The following HDAC9 variants were observed in gnomAD, a reference collection of about 807,000 sequenced individuals.
The protein encoded by HDAC9 is MEF-2 interacting transcription repressor (MITR) protein.
HDAC9 carries 41 observed loss-of-function variants against 139.4 expected under a neutral mutation model. That is an observed-to-expected ratio of 0.29 (90% CI 0.23 to 0.38). The LOEUF (loss-of-function observed/expected upper bound fraction) is 0.38. HDAC9 is among the 10% of genes least tolerant of loss of function. The pLI, the probability that HDAC9 is intolerant of heterozygous loss-of-function variation, is 1.00. For missense variants in HDAC9, 1,147 were observed against 1,297.0 expected (o/e 0.88, Z 1.78); for synonymous variants, 517 against 476.2 (o/e 1.09, Z -1.12).
intron 22 of HDAC9, among the ~76,000 whole-genome samples, chr7:18,933,995 A>C (rs190730452): frequency 1.6e-4 from 24 of 152,254 alleles, no homozygotes; most frequent in African/African-American, 5.5e-4. Flanking sequence ...GATGGAAAAT[A>C]TGAAAGAGAA....
chr7:18,087,929 G>C (rs1781898440), intron 1 of HDAC9: 1 of 152,246 alleles, frequency 6.6e-6, no homozygotes, highest in South Asian at 2.1e-4. Flanking sequence ...ATGTGACAGA[G>C]CGGGACTGAG....
intron 2 of HDAC9, among the ~76,000 whole-genome samples, chr7:18,257,835 G>T (rs1031371419): frequency 1.3e-5 from 2 of 152,174 alleles, no homozygotes; most frequent in African/African-American, 4.8e-5. Flanking sequence ...TAATGCCTAA[G>T]CATCATCCAG....
At chr7:18,305,033 A>G (rs573890581) in intron 1 of HDAC9, among the ~76,000 whole-genome samples, 8 of 152,208 alleles carry the variant, frequency 5.3e-5, no homozygotes, top group African/African-American at 1.7e-4. Flanking sequence ...TTTATAGGAT[A>G]AGAAATCAGT....
chr7:18,787,284 C>T (rs1008711685), intron 16 of HDAC9, among the ~76,000 whole-genome samples: 8 of 152,092 alleles, frequency 5.3e-5, no homozygotes, highest in Middle Eastern at 3.2e-3. Flanking sequence ...TCAATCTCAC[C>T]GAGTGTGTTT....
At chr7:18,711,968 C>G in intron 12 of HDAC9, among the ~76,000 whole-genome samples, 1 of 150,328 alleles carries the variant, frequency 6.7e-6, no homozygotes, top group Non-Finnish European at 1.5e-5. Context: ...AACAGTCAAC[C>G]AAACAAAGAT....
At chr7:18,886,027 A>C (rs1409009473) in intron 22 of HDAC9, among the ~76,000 whole-genome samples, 1 of 152,210 alleles carries the variant, frequency 6.6e-6, no homozygotes, top group African/African-American at 2.4e-5. Flanking sequence ...TATATTTAAC[A>C]GCTAACAAAA....
At chr7:18,849,096 T>C (rs1346648479) in intron 21 of HDAC9, among the ~76,000 whole-genome samples, 1 of 152,170 alleles carries the variant, frequency 6.6e-6, no homozygotes, top group Non-Finnish European at 1.5e-5. Flanking sequence ...TTTTAAACAG[T>C]CCATCGCTAA....
At chr7:18,619,291 C>T (rs1839562144) in intron 6 of HDAC9, among the ~76,000 whole-genome samples, 1 of 152,102 alleles carries the variant, frequency 6.6e-6, no homozygotes, top group Non-Finnish European at 1.5e-5. Flanking sequence ...TGAGGTTCAT[C>T]TAGTTCTCTT....
chr7:18,599,455 A>G (rs748554369), intron 6 of HDAC9, among the ~76,000 whole-genome samples: 116 of 152,226 alleles, frequency 7.6e-4, no homozygotes, highest in Non-Finnish European at 1.5e-3. Context: ...CCTGTGCCCC[A>G]CCTATTCATC....
At chr7:18,442,500 T>C (rs1056435782) in intron 1 of HDAC9, among the ~76,000 whole-genome samples, 2 of 152,190 alleles carry the variant, frequency 1.3e-5, no homozygotes, top group Non-Finnish European at 2.9e-5. Flanking sequence ...CCCCAATCTT[T>C]GCTTAATGTA....
chr7:18,447,293 A>AT (rs1439317607), intron 1 of HDAC9, among the ~76,000 whole-genome samples: 6 of 152,144 alleles, frequency 3.9e-5, no homozygotes, highest in African/African-American at 1.4e-4. Flanking sequence ...ATTTTAATAT[A>AT]TTTTTTATAT....
intron 1 of HDAC9, among the ~76,000 whole-genome samples, chr7:18,450,226 T>C (rs1162335668): frequency 6.6e-6 from 1 of 152,200 alleles, no homozygotes; most frequent in African/African-American, 2.4e-5. Context: ...AGCAAGATTA[T>C]TGTGAAATGC....
chr7:18,899,618 G>A (rs7806036), intron 22 of HDAC9, among the ~76,000 whole-genome samples: 1,936 of 152,012 alleles, frequency 0.013, 49 homozygotes, highest in African/African-American at 0.044. Flanking sequence ...TGGAAGACAT[G>A]GTGGTTAGCT....
At chr7:18,862,352 T>TGC (rs1798173305) in intron 21 of HDAC9, among the ~76,000 whole-genome samples, 5 of 152,338 alleles carry the variant, frequency 3.3e-5, no homozygotes, top group Admixed American at 6.5e-5. Context: ...GAGCCGCATA[T>TGC]GACTTTAGAG....
At chr7:18,132,352 A>G (rs1475149307) in intron 1 of HDAC9, among the ~76,000 whole-genome samples, 1 of 152,188 alleles carries the variant, frequency 6.6e-6, no homozygotes, top group Admixed American at 6.5e-5. Flanking sequence ...ATATTTTGTC[A>G]TATCTGAATA....
At chr7:18,386,473 G>A (rs1785939254) in intron 1 of HDAC9, among the ~76,000 whole-genome samples, 1 of 152,012 alleles carries the variant, frequency 6.6e-6, no homozygotes, top group African/African-American at 2.4e-5. Context: ...AAGCCTTGTG[G>A]CCCCCCTATG....
chr7:18,467,068 A>G (rs529142970), intron 1 of HDAC9, among the ~76,000 whole-genome samples: 3 of 152,316 alleles, frequency 2.0e-5, no homozygotes, highest in South Asian at 2.1e-4. Flanking sequence ...CACAAGACCC[A>G]TCTGTAAAAC....
At chr7:18,564,670 T>C (rs1025928817) in intron 2 of HDAC9, among the ~76,000 whole-genome samples, 1 of 152,194 alleles carries the variant, frequency 6.6e-6, no homozygotes, top group African/African-American at 2.4e-5. Flanking sequence ...ATGATTGACA[T>C]TGGGCCTCTA....
chr7:18,547,298 C>T (rs182376207), intron 2 of HDAC9, among the ~76,000 whole-genome samples: 3 of 152,234 alleles, frequency 2.0e-5, no homozygotes, highest in Non-Finnish European at 4.4e-5. Context: ...TGCAGTGGCA[C>T]GATCTCCGCT....
Sources: gnomAD v4.1 joint callset for allele counts (sites outside exome capture counted in the v4.1 genomes callset) on GRCh38, gnomAD v4.1.1 for gene constraint, MANE v1.5 for transcripts, NCBI Gene and HGNC (gene_info 2026-07-23, HGNC 2026-07-21) for gene names.